The following ABL1 variants were observed in gnomAD, a reference collection of about 807,000 sequenced individuals.
ABL1 encodes the protein ABL proto-oncogene 1, non-receptor tyrosine kinase.
A neutral mutation model predicts 94.7 loss-of-function variants in ABL1; 11 were observed. The ratio of observed to expected loss-of-function variants is 0.12; its 90% CI spans 0.07 to 0.19. The LOEUF (loss-of-function observed/expected upper bound fraction) is 0.19, where lower values mean the gene tolerates loss of function less well. Ranked by LOEUF, ABL1 falls within the 10% of genes least tolerant of loss-of-function variation. ABL1 has a pLI of 1.00. For missense variants in ABL1, 1,082 were observed against 1,489.4 expected (o/e 0.73, Z 4.50); for synonymous variants, 656 against 622.4 (o/e 1.05, Z -0.80).
At position 130,880,742 on chromosome 9, in the gene ABL1, C is replaced by T. The variant is rs150817469; in HGVS notation, c.1678+78C>T. 1,069 of 1,527,142 alleles carry T rather than the reference C, an allele frequency of 7.0e-4. 3 individuals carry two copies. In the African/African-American group the frequency reaches 0.012, roughly 17 times the overall value. 94.6% of individuals were successfully genotyped at this position (1,527,142 alleles called of 1,614,324 possible). ...CTACATTCAGGCCATCATAGGCCAACGGGAAGCTGTGAATGGAGCCCGCAC... is the reference window on the plus strand; with the variant it reads ...CTACATTCAGGCCATCATAGGCCAATGGGAAGCTGTGAATGGAGCCCGCAC... On this transcript the variant is annotated intron_variant, in intron 10 of 10. Transcript: ENST00000318560. This position sits in a 1 kb window ranked among gnomAD's most constrained non-coding sequence, Gnocchi z 4.4.
At chr9:130,854,424 C>T (rs1830941092) in intron 2 of ABL1, among the ~76,000 whole-genome samples, 187 bp downstream of exon 2, 1 of 152,168 alleles carries the variant, frequency 6.6e-6, no homozygotes, top group Admixed American at 6.5e-5. Context: ...TACAATAGCC[C>T]TGGGCAAAAA....
intron 7 of ABL1, among the ~76,000 whole-genome samples, chr9:130,876,409 TTC>T (rs1312646590): frequency 7.7e-6 from 1 of 130,336 alleles, no homozygotes; most frequent in Admixed American, 7.1e-5. Context: ...AAATTACTTT[TTC>T]TTTTTTTTTT....
chr9:130,802,082 T>C (rs1232063310), intron 1 of ABL1, among the ~76,000 whole-genome samples: 2 of 149,968 alleles, frequency 1.3e-5, no homozygotes, highest in Non-Finnish European at 3.0e-5. Context: ...TCTGTTCATT[T>C]TTTTCCTTCA....
At chr9:130,759,202 T>C (rs1477166467) in intron 1 of ABL1, among the ~76,000 whole-genome samples, 1 of 152,204 alleles carries the variant, frequency 6.6e-6, no homozygotes, top group Non-Finnish European at 1.5e-5. Context: ...CAAATGATCA[T>C]AGAATGGTCA....
exon 1 of ABL1, among the ~76,000 whole-genome samples, chr9:130,713,133 C>T (rs912058397): frequency 4.6e-5 from 7 of 152,192 alleles, no homozygotes; most frequent in Non-Finnish European, 1.0e-4. Flanking sequence ...TGAGGAGCCC[C>T]TCCGCTGTCC....
chr9:130,808,400 C>T (rs1165882914), intron 1 of ABL1, among the ~76,000 whole-genome samples: 2 of 151,782 alleles, frequency 1.3e-5, no homozygotes, highest in Non-Finnish European at 2.9e-5. Flanking sequence ...TGCACCACCA[C>T]GCCTGGCTAA....
At position 130,722,382 on chromosome 9, in the gene ABL1, G is replaced by A. The variant is rs532702992; in HGVS notation, c.136+7927G>A. 4.5e-4 allele frequency among the ~76,000 whole-genome samples: 62 copies of A among 137,912 alleles called. No homozygotes were observed. The South Asian group carries it at 0.015, about 34-fold the overall frequency. 90.5% of individuals were successfully genotyped at this position (137,912 alleles called of 152,430 possible). ...CACTCCAGCCTGGGCAACAGAGCGA[G>A]ACTCCATCTCAAAAAAAAATAAAAA... On this transcript the variant is annotated intron_variant, in intron 1 of 10. Transcript: ENST00000372348.
intron 1 of ABL1, among the ~76,000 whole-genome samples, chr9:130,804,416 G>A (rs180687892): frequency 6.4e-4 from 97 of 152,154 alleles, no homozygotes; most frequent in Middle Eastern, 6.8e-3. Context: ...GAGAAACCCC[G>A]TCTCTACTAA....
At chr9:130,762,686 T>A (rs766649458) in intron 1 of ABL1, among the ~76,000 whole-genome samples, 1 of 151,824 alleles carries the variant, frequency 6.6e-6, no homozygotes, top group Non-Finnish European at 1.5e-5. Flanking sequence ...CTGAGGCAGG[T>A]GGATCACAAA....
intron 6 of ABL1, among the ~76,000 whole-genome samples, chr9:130,873,243 G>A (rs943061572): frequency 1.4e-4 from 21 of 152,236 alleles, no homozygotes; most frequent in Admixed American, 1.2e-3. Flanking sequence ...ATTCAGCCAG[G>A]CCTAGACTCT....
rs559307392 is a variant in ABL1 at position 130,750,156 on chromosome 9, G to A, written c.136+35701G>A. On this transcript the variant is annotated intron_variant, in intron 1 of 10. Transcript: ENST00000372348. ...TGATTGTGCCACGGCACTCCAGCCT[G>A]GACAACAGAGACCCTGACTCAAGAA... 1.8e-4 allele frequency among the ~76,000 whole-genome samples: 25 copies of A among 141,670 alleles called. No homozygotes were observed. In the South Asian group the frequency reaches 5.4e-3, roughly 31 times the overall value. The allele number at this position is 141,670 out of a possible 152,430, so 92.9% of individuals were successfully genotyped here. A position where few individuals can be genotyped will look rare whatever the true frequency, so the allele number is the denominator to read the frequency against.
chr9:130,836,242 C>G (rs149332749), intron 1 of ABL1, among the ~76,000 whole-genome samples: 122 of 152,306 alleles, frequency 8.0e-4, no homozygotes, highest in African/African-American at 2.8e-3. Flanking sequence ...TTAAGTGAAG[C>G]TCAGGGCCAG....
At chr9:130,758,406 C>T (rs573413373) in intron 1 of ABL1, among the ~76,000 whole-genome samples, 12 of 152,224 alleles carry the variant, frequency 7.9e-5, no homozygotes, top group Admixed American at 2.6e-4. Flanking sequence ...GTGATCCACC[C>T]GCCTTGGCCT....
intron 1 of ABL1, among the ~76,000 whole-genome samples, chr9:130,843,094 G>A (rs1189012976): frequency 1.3e-5 from 2 of 152,116 alleles, no homozygotes; most frequent in African/African-American, 4.8e-5. Flanking sequence ...CTTATTACAG[G>A]TTAACAGATT....
intron 1 of ABL1, among the ~76,000 whole-genome samples, chr9:130,842,173 ACAGG>A (rs1258571378): frequency 6.6e-6 from 1 of 152,192 alleles, no homozygotes; most frequent in Non-Finnish European, 1.5e-5. Context: ...CAGATGATGG[ACAGG>A]CAGCTGATGT....
At chr9:130,719,103 G>A (rs903504551) in intron 1 of ABL1, among the ~76,000 whole-genome samples, 21 of 152,240 alleles carry the variant, frequency 1.4e-4, no homozygotes, top group African/African-American at 4.3e-4. Flanking sequence ...ATTTTACACC[G>A]AAATTTTTAT....
rs201278085 is a variant in ABL1 at position 130,884,325 on chromosome 9, T to G, written c.2035T>G (p.Ser679Ala). The G allele has an allele frequency of 3.3e-4, 532 of 1,611,856 alleles. No individual in the cohort carries two copies. Among genetic ancestry groups the G allele is most frequent in the Middle Eastern group, 1.5e-3 (9 of 6,046 alleles). Residue 679 changes from serine (S) to alanine (A), a missense_variant, in exon 11 of 11, where the codon TCA becomes GCA. Physicochemically the swap from Ser to Ala is moderately conservative, Grantham distance 99. Transcript: ENST00000318560. The surrounding 1 kb of genome is among the most constrained non-coding windows in gnomAD (Gnocchi z 5.6). The stretch of plus-strand genomic sequence containing the variant: ...TGGAGCCCTCCGGGAGTCCGGGGGC[T>G]CAGGCTTCCGGTCTCCCCACCTGTG... ...PNGALRESGG[S>A]GFRSPHLWKK...
chr9:130,834,087 T>C (rs767272023), upstream of ABL1: 3 of 455,982 alleles, frequency 6.6e-6, no homozygotes, highest in South Asian at 4.6e-5. Flanking sequence ...GCAAGGTGTC[T>C]GACTTCTCTG....
At chr9:130,866,164 G>A (rs184710644) in intron 4 of ABL1, among the ~76,000 whole-genome samples, 25 of 152,224 alleles carry the variant, frequency 1.6e-4, no homozygotes, top group African/African-American at 6.0e-4. Flanking sequence ...TTAATGCTGA[G>A]AAAATGGAAG....
Sources: allele counts gnomAD v4.1 joint callset (sites outside exome capture counted in the v4.1 genomes callset), GRCh38; gene constraint gnomAD v4.1.1; non-coding constraint Gnocchi (gnomAD v3.1); transcripts MANE v1.5; gene names NCBI Gene and HGNC (gene_info 2026-07-23, HGNC 2026-07-21).